CKLF: variants seen among roughly 807,000 people sequenced by gnomAD.
CKLF encodes chemokine like factor.
A neutral mutation model predicts 12.9 loss-of-function variants in CKLF; 16 were observed. The observed-to-expected ratio is 1.24, with a 90% CI of 0.84 to 1.88. The LOEUF is 1.88. CKLF is among the 40% of genes most tolerant of loss of function. The pLI is 0.00. For missense variants in CKLF, 172 were observed against 188.5 expected (o/e 0.91, Z 0.51); for synonymous variants, 61 against 69.0 (o/e 0.88, Z 0.57).
At chr16:66,558,496 T>A in intron 2 of CKLF, 148 bp downstream of exon 2, 1 of 1,131,502 alleles carries the variant, frequency 8.8e-7, no homozygotes, top group Non-Finnish European at 1.2e-6. Context: ...TAATGTGCCC[T>A]GTATTGCTTT....
At chr16:66,555,106 G>A (rs75841517) in intron 1 of CKLF, among the ~76,000 whole-genome samples, 44 of 152,158 alleles carry the variant, frequency 2.9e-4, no homozygotes, top group African/African-American at 9.9e-4. Context: ...GCATGGTGGC[G>A]TATGCCTGTA....
chr16:66,556,771 C>A (rs1004020887), intron 1 of CKLF, among the ~76,000 whole-genome samples: 1 of 152,130 alleles, frequency 6.6e-6, no homozygotes, highest in African/African-American at 2.4e-5. Context: ...AAAAGAAAGG[C>A]ATATTTATGC....
chr16:66,553,333 C>T (rs955203122), intron 1 of CKLF: 2 of 151,660 alleles, frequency 1.3e-5, no homozygotes, highest in Non-Finnish European at 2.9e-5. Context: ...TCAGGGGTTT[C>T]GGTGAATGTT....
At position 66,561,037 on chromosome 16, in the gene CKLF, A is replaced by G. The variant is rs2011681238; in HGVS notation, c.238-2085A>G. Among the ~76,000 whole-genome samples, 7 of 152,312 alleles carry G rather than the reference A, an allele frequency of 4.6e-5. No individual in the cohort carries two copies. In the South Asian group the frequency reaches 1.5e-3, roughly 32 times the overall value. On this transcript the variant is annotated intron_variant, in intron 2 of 3. Coordinates refer to ENST00000264001, the MANE Select transcript of CKLF (RefSeq NM_016951.4). The stretch of plus-strand genomic sequence containing the variant: ...CCCTGCAGAGTAGAATTGGAGCCAG[A>G]GCACAGGTGGAGAAGTTGCCTGGGG...
At position 66,565,964 on chromosome 16, in the gene CKLF, G is replaced by T. The variant is rs771040088; in HGVS notation, c.412G>T (p.Gly138Cys). ...CCGGAAGCTTCTGTTCAATCCCAGC[G>T]GTCCTTACCAGAAAAAGCCTGTGCA... ...IYRKLLFNPSGPYQKKPVHEK... is the reference protein window; with the variant it reads ...IYRKLLFNPSCPYQKKPVHEK... Residue 138 changes from glycine to cysteine, a missense_variant, in exon 4 of 4, where the codon GGT (glycine) becomes TGT (cysteine). Physicochemically the swap from Gly to Cys is radical, Grantham distance 159. Coordinates refer to ENST00000264001, the MANE Select transcript of CKLF (RefSeq NM_016951.4). 1.9e-5 allele frequency: 30 copies of T among 1,613,300 alleles called. No individual in the cohort carries two copies. Among genetic ancestry groups the T allele is most frequent in the African/African-American group, 1.1e-4 (8 of 74,840 alleles).
rs2012258570 is a variant in CKLF at position 66,565,990 on chromosome 16, T to TG, written c.439dup (p.Glu147GlyfsTer15). The TG allele has an allele frequency of 1.2e-6, 2 of 1,611,918 alleles. No individual in the cohort carries two copies. Among genetic ancestry groups the TG allele is most frequent in the African/African-American group, 1.3e-5 (1 of 74,912 alleles). ...GTCCTTACCAGAAAAAGCCTGTGCA[T>TG]GAAAAAAAAGAAGTTTTGTAATTTT... On this transcript the variant is annotated frameshift_variant, in exon 4 of 4. Transcript: ENST00000264001. LOFTEE classifies it low-confidence loss of function (END_TRUNC).
intron 2 of CKLF, among the ~76,000 whole-genome samples, chr16:66,559,613 A>C (rs2144538511): frequency 6.6e-6 from 1 of 152,328 alleles, no homozygotes; most frequent in South Asian, 2.1e-4. Flanking sequence ...TAAAACTAAC[A>C]CATTTTAGCC....
In CKLF at chr16:66,552,770, G is replaced by A. The variant is rs1342719810; in HGVS notation, c.55G>A (p.Gly19Ser). ...TCGCCCCTTCTGCTTCAGTGTGAAA[G>A]GCCACGTGAAGATGCTGCGGCTGGT... ...KHRPFCFSVK[G>S]HVKMLRLALT... The change falls in exon 1 of 4, where the codon GGC becomes AGC. Residue 19 changes from glycine (G) to serine (S), a missense_variant. Gly to Ser is a moderately conservative substitution (Grantham distance 56). Transcript: ENST00000264001. The A allele has an allele frequency of 6.8e-6, 11 of 1,614,010 alleles. No homozygotes were observed. In the South Asian group the frequency reaches 1.1e-4, roughly 16 times the overall value.
chr16:66,566,026 T>A lies in CKLF; in HGVS notation c.*15T>A. On this transcript the variant is annotated 3_prime_UTR_variant, in exon 4 of 4. Transcript: ENST00000264001. The surrounding 1 kb of genome is among the most constrained non-coding windows in gnomAD (Gnocchi z 4.9). The stretch of plus-strand genomic sequence containing the variant: ...AAGTTTTGTAATTTTATATTACTTT[T>A]TAGTTTGATACTAAGTATTAAACAT... The A allele has an allele frequency of 6.2e-7, 1 of 1,609,068 alleles. No individual in the cohort carries two copies. Among genetic ancestry groups the A allele is most frequent in the Non-Finnish European group, 8.5e-7 (1 of 1,176,042 alleles).
Position 66,552,623 on chromosome 16 carries a change from C to G in CKLF, c.-93C>G, listed in dbSNP as rs1488844507. ...GAAGTAGGGGAGGGCGGTGCTCCGC[C>G]GCGGTGGCGGTTGCTATCGCTTCGC... is the stretch of plus-strand genomic sequence containing the variant. On this transcript the variant is annotated 5_prime_UTR_variant, in exon 1 of 4. Coordinates refer to ENST00000264001, the MANE Select transcript of CKLF (RefSeq NM_016951.4). The G allele has an allele frequency of 3.1e-6, 5 of 1,591,742 alleles. No individual in the cohort carries two copies. The Admixed American group carries it at 8.4e-5, about 27-fold the overall frequency.
intron 1 of CKLF, among the ~76,000 whole-genome samples, chr16:66,555,362 G>T (rs1360917683): frequency 6.6e-6 from 1 of 152,344 alleles, no homozygotes; most frequent in African/African-American, 2.4e-5. Context: ...GGCAAGAAAT[G>T]ATGATGGTGG....
chr16:66,556,619 C>G (rs2011462150), intron 1 of CKLF, among the ~76,000 whole-genome samples: 1 of 152,182 alleles, frequency 6.6e-6, no homozygotes, highest in Non-Finnish European at 1.5e-5. Context: ...ATTTCATAAT[C>G]TGTGGGCTGA....
At chr16:66,563,358 T>G in intron 3 of CKLF, 141 bp downstream of exon 3, 1 of 981,494 alleles carries the variant, frequency 1.0e-6, no homozygotes, top group Non-Finnish European at 1.5e-6. Flanking sequence ...AGTGGCTTAA[T>G]ATTTTTGTCT....
rs1219941716 is a variant in CKLF, at chr16:66,552,715, G to T, written c.-1G>T. ...GTGCTGCTGCTGGGTCTGCAGACGC[G>T]ATGGATAACGTGCAGCCGAAAATAA... On this transcript the variant is annotated 5_prime_UTR_variant, in exon 1 of 4. Transcript: ENST00000264001. 1.2e-6 allele frequency: 2 copies of T among 1,614,162 alleles called. No homozygotes were observed. Among genetic ancestry groups the T allele is most frequent in the South Asian group, 1.1e-5 (1 of 91,088 alleles).
At chr16:66,566,142 G>A, downstream of CKLF, 1 of 1,600,928 alleles carries the variant, frequency 6.2e-7, no homozygotes, top group Non-Finnish European at 8.5e-7. The surrounding 1 kb of genome is among the most constrained non-coding windows in gnomAD (Gnocchi z 4.9). Flanking sequence ...ACCCCGCGCA[G>A]AGCACTACTG....
In CKLF at chr16:66,562,088, T is replaced by A. The variant is rs16956702; in HGVS notation, c.238-1034T>A. Among the ~76,000 whole-genome samples, 650 of 132,452 alleles carry A rather than the reference T, an allele frequency of 4.9e-3. 2 individuals carry two copies. The highest frequency in any genetic ancestry group is 0.02 in the Middle Eastern group (4 of 204). The allele number at this position is 132,452 out of a possible 152,430, so 86.9% of individuals were successfully genotyped here. On this transcript the variant is annotated intron_variant, in intron 2 of 3. Coordinates refer to ENST00000264001, the MANE Select transcript of CKLF (RefSeq NM_016951.4). ...GTGTGCTATTTTAAGTTTTATTAAT[T>A]GCCTTTTTTTTTTTGAGACGGAGTA...
In CKLF at chr16:66,565,929, C is replaced by T. The variant is rs773914979; in HGVS notation, c.377C>T (p.Ala126Val). The T allele has an allele frequency of 1.2e-5, 19 of 1,613,884 alleles. No individual in the cohort carries two copies. Among genetic ancestry groups the T allele is most frequent in the Non-Finnish European group, 1.5e-5 (18 of 1,179,956 alleles). The stretch of plus-strand genomic sequence containing the variant: ...GCAGTATGCTGTCTTGCCGACGGGG[C>T]CCTTATTTACCGGAAGCTTCTGTTC... Reference protein sequence around the residue: ...VTAVCCLADGALIYRKLLFNP... With the variant: ...VTAVCCLADGVLIYRKLLFNP... The change falls in exon 4 of 4, where the codon GCC becomes GTC. Residue 126 changes from alanine (A) to valine (V), a missense_variant. Coordinates refer to ENST00000264001, the MANE Select transcript of CKLF (RefSeq NM_016951.4).
intron 3 of CKLF, among the ~76,000 whole-genome samples, chr16:66,564,245 G>T (rs570993409): frequency 6.6e-6 from 1 of 152,272 alleles, no homozygotes; most frequent in African/African-American, 2.4e-5. Context: ...ATTCAGTATA[G>T]TAACCATAGT....
At chr16:66,560,837 A>C (rs138553537) in intron 2 of CKLF, among the ~76,000 whole-genome samples, 1 of 140,866 alleles carries the variant, frequency 7.1e-6, no homozygotes, top group Non-Finnish European at 1.6e-5. Context: ...ACACACACAC[A>C]CTTTCTCTCT....
Sources: gnomAD v4.1 joint callset for allele counts (sites outside exome capture counted in the v4.1 genomes callset) on GRCh38, gnomAD v4.1.1 for gene constraint, Gnocchi (gnomAD v3.1) non-coding constraint, MANE v1.5 for transcripts, NCBI Gene and HGNC (gene_info 2026-07-23, HGNC 2026-07-21) for gene names.